HDAC9: variants seen among roughly 807,000 people sequenced by gnomAD.
HDAC9 encodes MEF-2 interacting transcription repressor (MITR) protein.
HDAC9 carries 41 observed loss-of-function variants against 139.4 expected under a neutral mutation model. The ratio of observed to expected loss-of-function variants is 0.29; its 90% CI spans 0.23 to 0.38. The LOEUF is 0.38. Among genes scored for constraint, HDAC9 ranks in the 10% least tolerant of loss-of-function variants. The pLI is 1.00. For synonymous variants in HDAC9, 517 were observed against 476.2 expected (o/e 1.09, Z -1.12); for missense variants, 1,147 against 1,297.0 (o/e 0.88, Z 1.78).
chr7:18,935,754 G>A, intron 22 of HDAC9, 55 bp from the exon 23 acceptor site: 13 of 1,519,648 alleles, frequency 8.6e-6, no homozygotes, highest in Middle Eastern at 1.7e-4. Context: ...TTAGATTCTA[G>A]TGATCACTTT....
intron 1 of HDAC9, among the ~76,000 whole-genome samples, chr7:18,477,085 G>T (rs1427846574): frequency 6.6e-6 from 1 of 152,156 alleles, no homozygotes; most frequent in African/African-American, 2.4e-5. Context: ...GGTGGGCATT[G>T]ACAATGTTCA....
chr7:18,733,230 T>G (rs1383560183), intron 13 of HDAC9, among the ~76,000 whole-genome samples: 2 of 148,984 alleles, frequency 1.3e-5, no homozygotes, highest in Non-Finnish European at 3.0e-5. Context: ...TATATACACA[T>G]ATATACATGT....
chr7:18,506,919 A>T (rs192769898), intron 2 of HDAC9, among the ~76,000 whole-genome samples: 2 of 152,252 alleles, frequency 1.3e-5, no homozygotes, highest in East Asian at 3.9e-4. Context: ...ATACAGTAAA[A>T]TATGCAGTTT....
At chr7:18,240,534 T>C (rs1395492845) in intron 2 of HDAC9, among the ~76,000 whole-genome samples, 1 of 152,186 alleles carries the variant, frequency 6.6e-6, no homozygotes, top group East Asian at 1.9e-4. Context: ...GAAAAAAATA[T>C]CTGCCTGGAC....
chr7:18,648,043 T>G, intron 10 of HDAC9, 45 bp downstream of exon 10: 1 of 1,400,082 alleles, frequency 7.1e-7, no homozygotes. Context: ...AGGGTTTTAT[T>G]TTATTAGTGA....
At chr7:18,145,399 G>A (rs1786236930) in intron 1 of HDAC9, among the ~76,000 whole-genome samples, 1 of 152,156 alleles carries the variant, frequency 6.6e-6, no homozygotes, top group Non-Finnish European at 1.5e-5. Flanking sequence ...GAGCTGGTAA[G>A]GGCTGTGCTG....
At chr7:18,748,460 C>A (rs1788168610) in intron 13 of HDAC9, among the ~76,000 whole-genome samples, 2 of 152,040 alleles carry the variant, frequency 1.3e-5, no homozygotes, top group South Asian at 4.1e-4. Flanking sequence ...CACAAATAAA[C>A]AAAGAAACTG....
chr7:18,765,779 G>T (rs1789782089), intron 15 of HDAC9, among the ~76,000 whole-genome samples: 2 of 151,982 alleles, frequency 1.3e-5, no homozygotes, highest in South Asian at 4.2e-4. Context: ...AACAACATAA[G>T]AAAACTTTAC....
chr7:18,852,057 A>G (rs1157241929), intron 21 of HDAC9, among the ~76,000 whole-genome samples: 4 of 152,196 alleles, frequency 2.6e-5, no homozygotes, highest in Non-Finnish European at 5.9e-5. Context: ...CAGAAATGGT[A>G]CACCTCTGTT....
chr7:18,292,413 A>C (rs1451110043), intron 1 of HDAC9, among the ~76,000 whole-genome samples: 1 of 152,130 alleles, frequency 6.6e-6, no homozygotes, highest in African/African-American at 2.4e-5. Flanking sequence ...GGCTTCCTGA[A>C]GATGAAAGTC....
chr7:18,467,944 G>T (rs770154512), intron 1 of HDAC9, among the ~76,000 whole-genome samples: 1 of 152,044 alleles, frequency 6.6e-6, no homozygotes, highest in Non-Finnish European at 1.5e-5. Flanking sequence ...GTACTACTCA[G>T]ATATTTTATA....
At chr7:18,690,331 A>C (rs1584850162) in intron 12 of HDAC9, among the ~76,000 whole-genome samples, 1 of 152,186 alleles carries the variant, frequency 6.6e-6, no homozygotes. Flanking sequence ...ATAACTGTTC[A>C]TAGGTTATAT....
chr7:18,986,636 C>T (rs886346300), intron 25 of HDAC9, among the ~76,000 whole-genome samples: 11 of 151,388 alleles, frequency 7.3e-5, no homozygotes, highest in Non-Finnish European at 1.2e-4. Flanking sequence ...ATGGGGATGG[C>T]ATTGAATCTG....
intron 2 of HDAC9, among the ~76,000 whole-genome samples, chr7:18,174,306 T>C (rs1788703332): frequency 1.3e-5 from 2 of 152,210 alleles, no homozygotes; most frequent in Admixed American, 6.5e-5. Flanking sequence ...CATCAGGTCA[T>C]TTAAGGTCTT....
At chr7:18,282,081 A>C (rs1797143312) in intron 2 of HDAC9, among the ~76,000 whole-genome samples, 1 of 152,184 alleles carries the variant, frequency 6.6e-6, no homozygotes, top group South Asian at 2.1e-4. Context: ...AGCTACTGTA[A>C]GAAATATTGA....
At chr7:18,657,423 G>T (rs1257861053) in intron 11 of HDAC9, among the ~76,000 whole-genome samples, 1 of 152,062 alleles carries the variant, frequency 6.6e-6, no homozygotes, top group Non-Finnish European at 1.5e-5. Flanking sequence ...GATTAGCAAA[G>T]AAAATAAGGA....
At chr7:18,097,595 T>C (rs1467509771) in intron 1 of HDAC9, among the ~76,000 whole-genome samples, 2 of 152,026 alleles carry the variant, frequency 1.3e-5, no homozygotes, top group African/African-American at 4.8e-5. Context: ...AGAGACAAGG[T>C]CTTGCTCTGT....
intron 1 of HDAC9, among the ~76,000 whole-genome samples, chr7:18,106,327 C>A (rs890823534): frequency 1.3e-5 from 2 of 152,230 alleles, no homozygotes; most frequent in Non-Finnish European, 2.9e-5. Flanking sequence ...TTCCCAGTCT[C>A]ATTTCTGGGT....
intron 11 of HDAC9, among the ~76,000 whole-genome samples, chr7:18,656,411 G>C (rs1283075690): frequency 2.6e-5 from 4 of 152,162 alleles, no homozygotes; most frequent in Non-Finnish European, 4.4e-5. Context: ...TCTTTCCCTT[G>C]AGTGGCTCAA....
Sources: allele counts gnomAD v4.1 joint callset (sites outside exome capture counted in the v4.1 genomes callset), GRCh38; gene constraint gnomAD v4.1.1; transcripts MANE v1.5; gene names NCBI Gene and HGNC (gene_info 2026-07-23, HGNC 2026-07-21).